FHIT: variants seen among roughly 807,000 people sequenced by gnomAD.
FHIT encodes bis(5'-adenosyl)-triphosphatase.
In FHIT, 19 loss-of-function variants were observed where a neutral mutation model predicts 17.9. The ratio of observed to expected loss-of-function variants is 1.06; its 90% CI spans 0.74 to 1.56. FHIT has a LOEUF of 1.56. Ranked by LOEUF, FHIT falls within the 40% of genes most tolerant of loss-of-function variation. FHIT has a pLI of 0.00. For missense variants in FHIT, 248 were observed against 189.2 expected, an observed-to-expected ratio of 1.31 and a Z score of -1.82; for synonymous variants, 81 against 69.7, an observed-to-expected ratio of 1.16 and a Z score of -0.81.
intron 8 of FHIT, among the ~76,000 whole-genome samples, chr3:59,754,025 C>CTAATAAATGACTTTTGCTA: frequency 6.6e-6 from 1 of 152,280 alleles, no homozygotes; most frequent in South Asian, 2.1e-4. Context: ...AGTCTATCAA[C>CTAATAAATGACTTTTGCTA]TAATAAATGA....
rs562048171 is a variant in FHIT at position 60,302,048 on chromosome 3, T to A, written c.103+234812A>T. On this transcript the variant is annotated intron_variant, in intron 5 of 9. Coordinates refer to ENST00000492590, the MANE Select transcript of FHIT (RefSeq NM_002012.4). ...TATGATTCAATGTCAGACTAATATT[T>A]TTGCCTCTACTTTAATTGCTTTTTA... is the stretch of plus-strand genomic sequence containing the variant. Among the ~76,000 whole-genome samples the A allele has an allele frequency of 2.0e-5, 3 of 152,284 alleles. No homozygotes were observed. The South Asian group carries it at 6.2e-4, about 32-fold the overall frequency.
intron 4 of FHIT, among the ~76,000 whole-genome samples, chr3:60,619,657 C>T (rs2039062632): frequency 7.4e-6 from 1 of 134,276 alleles, no homozygotes; most frequent in African/African-American, 2.8e-5. Context: ...ACACTATTCA[C>T]AAAAATTGAC....
At chr3:60,577,140 C>A (rs1459232848) in intron 4 of FHIT, among the ~76,000 whole-genome samples, 1 of 152,050 alleles carries the variant, frequency 6.6e-6, no homozygotes, top group South Asian at 2.1e-4. Context: ...CAACAGGTAC[C>A]TTTTTGGTTT....
At chr3:60,488,583 C>A (rs761598472) in intron 5 of FHIT, among the ~76,000 whole-genome samples, 1 of 151,974 alleles carries the variant, frequency 6.6e-6, no homozygotes, top group Non-Finnish European at 1.5e-5. Context: ...GAGGGAGGGC[C>A]TATGACAGCA....
intron 5 of FHIT, among the ~76,000 whole-genome samples, chr3:60,353,012 C>T (rs968669644): frequency 5.3e-5 from 8 of 152,160 alleles, no homozygotes; most frequent in Admixed American, 4.6e-4. Context: ...CATTCACTTT[C>T]AGTTGATCAA....
intron 3 of FHIT, among the ~76,000 whole-genome samples, chr3:60,940,556 G>A (rs1708368039): frequency 1.3e-5 from 2 of 152,042 alleles, no homozygotes; most frequent in South Asian, 4.1e-4. Context: ...TTATGTAACT[G>A]AAAATAAATA....
At chr3:60,796,366 T>C (rs1017470223) in intron 4 of FHIT, among the ~76,000 whole-genome samples, 7 of 152,232 alleles carry the variant, frequency 4.6e-5, no homozygotes, top group African/African-American at 1.7e-4. Flanking sequence ...GTTTTTTGGC[T>C]GTTCCTTTCT....
At chr3:59,901,443 T>C (rs989416818) in intron 8 of FHIT, among the ~76,000 whole-genome samples, 1 of 152,050 alleles carries the variant, frequency 6.6e-6, no homozygotes, top group African/African-American at 2.4e-5. Flanking sequence ...ACACAAAAAA[T>C]CCAACTTATA....
At chr3:60,075,617 C>T (rs974343056) in intron 5 of FHIT, among the ~76,000 whole-genome samples, 1 of 151,884 alleles carries the variant, frequency 6.6e-6, no homozygotes, top group African/African-American at 2.4e-5. Context: ...GTCTACTGTG[C>T]ACCGTGAAGC....
chr3:60,693,994 C>A (rs896045146), intron 4 of FHIT, among the ~76,000 whole-genome samples: 14 of 152,150 alleles, frequency 9.2e-5, no homozygotes, highest in African/African-American at 3.4e-4. Flanking sequence ...TTATTCCCAG[C>A]AGGATTAAGT....
intron 5 of FHIT, among the ~76,000 whole-genome samples, chr3:60,420,382 A>G (rs1048616652): frequency 1.3e-5 from 2 of 152,182 alleles, no homozygotes; most frequent in Non-Finnish European, 2.9e-5. Context: ...CACTGTGAAC[A>G]ATGCTGCAAT....
chr3:60,822,041 T>C (rs1422068951), intron 3 of FHIT, 30 bp from the exon 4 acceptor site: 1 of 152,136 alleles, frequency 6.6e-6, no homozygotes, highest in Non-Finnish European at 1.5e-5. Flanking sequence ...TTCAGATGAT[T>C]ATTTCAGCAG....
intron 4 of FHIT, among the ~76,000 whole-genome samples, chr3:60,692,002 A>G (rs2041003223): frequency 6.6e-6 from 1 of 152,192 alleles, no homozygotes; most frequent in Admixed American, 6.5e-5. Context: ...CAAGAAAAAG[A>G]TGAAGATTGT....
At chr3:60,799,812 A>C (rs1182023048) in intron 4 of FHIT, among the ~76,000 whole-genome samples, 1 of 152,166 alleles carries the variant, frequency 6.6e-6, no homozygotes, top group Non-Finnish European at 1.5e-5. Context: ...CTTCACAGCC[A>C]TAGGAAGAAA....
chr3:60,122,109 A>T (rs1308204766), intron 5 of FHIT, among the ~76,000 whole-genome samples: 2 of 146,402 alleles, frequency 1.4e-5, no homozygotes, highest in Non-Finnish European at 3.0e-5. Context: ...AGAAATTGCA[A>T]CTAAAAAAAA....
At chr3:61,064,092 G>T (rs1317192762) in intron 2 of FHIT, among the ~76,000 whole-genome samples, 1 of 152,180 alleles carries the variant, frequency 6.6e-6, no homozygotes, top group Non-Finnish European at 1.5e-5. Flanking sequence ...ACTGGTCTCA[G>T]CCAGTGAAGG....
At chr3:61,228,441 A>G (rs1012295843) in intron 1 of FHIT, among the ~76,000 whole-genome samples, 3 of 152,164 alleles carry the variant, frequency 2.0e-5, no homozygotes, top group African/African-American at 7.2e-5. Flanking sequence ...CATCTTCACA[A>G]TTTACTACTC....
intron 5 of FHIT, among the ~76,000 whole-genome samples, chr3:60,163,605 G>A (rs566246449): frequency 6.6e-6 from 1 of 152,256 alleles, no homozygotes; most frequent in African/African-American, 2.4e-5. Context: ...AGACCTCCCT[G>A]GAGGAAGCCT....
At chr3:60,952,708 G>A (rs187440805) in intron 3 of FHIT, among the ~76,000 whole-genome samples, 8 of 152,194 alleles carry the variant, frequency 5.3e-5, no homozygotes, top group East Asian at 3.9e-4. Context: ...TATAGAAGAC[G>A]TCCAGCTATA....
Sources: gnomAD v4.1 joint callset for allele counts (sites outside exome capture counted in the v4.1 genomes callset) on GRCh38, gnomAD v4.1.1 for gene constraint, MANE v1.5 for transcripts, NCBI Gene and HGNC (gene_info 2026-07-23, HGNC 2026-07-21) for gene names.